HIBCH: variants seen among roughly 807,000 people sequenced by gnomAD.
HIBCH encodes 3-hydroxyisobutyryl-CoA hydrolase, mitochondrial.
A neutral mutation model predicts 58.2 loss-of-function variants in HIBCH; 50 were observed. That is an observed-to-expected ratio of 0.86 (90% CI 0.68 to 1.09). The LOEUF (loss-of-function observed/expected upper bound fraction) is 1.09. HIBCH is among the 50% of genes least tolerant of loss of function. The pLI is 0.00. For synonymous variants in HIBCH, 151 were observed against 146.9 expected (o/e 1.03, Z -0.20); for missense variants, 450 against 449.7 (o/e 1.00, Z -0.01).
In HIBCH at chr2:190,216,405, A is replaced by G. The variant is rs573612534; in HGVS notation, c.892-3330T>C. ...AAGGTTTTGTTGTTGTTTTACTGAG[A>G]GGCTGTAAGTCCACCACGGGCAGCT... On this transcript the variant is annotated intron_variant, in intron 11 of 13. Coordinates refer to ENST00000359678, the MANE Select transcript of HIBCH (RefSeq NM_014362.4). This position sits in a 1 kb window ranked among gnomAD's most constrained non-coding sequence, Gnocchi z 4.2. Among the ~76,000 whole-genome samples the G allele has an allele frequency of 6.6e-6, 1 of 152,312 alleles. No homozygotes were observed. The highest frequency in any genetic ancestry group is 2.1e-4 in the South Asian group (1 of 4,826).
At chr2:190,228,588 A>C (rs112668927) in intron 11 of HIBCH, among the ~76,000 whole-genome samples, 204 of 152,282 alleles carry the variant, frequency 1.3e-3, no homozygotes, top group Admixed American at 2.2e-3. Flanking sequence ...CTGTTCTAGA[A>C]AATTTGATAA....
chr2:190,256,855 T>A (rs116305095), intron 7 of HIBCH, among the ~76,000 whole-genome samples: 1,761 of 151,992 alleles, frequency 0.012, 20 homozygotes, highest in Middle Eastern at 0.031. Context: ...CTGGATGAGA[T>A]TAAGGGCAGA....
At chr2:190,257,627 C>T (rs1340811806) in intron 7 of HIBCH, among the ~76,000 whole-genome samples, 1 of 152,132 alleles carries the variant, frequency 6.6e-6, no homozygotes, top group Admixed American at 6.5e-5. Context: ...TTTTGTGTTG[C>T]TATGACAGAA....
rs1690610836 is a variant in HIBCH at position 190,215,634 on chromosome 2, T to C, written c.892-2559A>G. Reference sequence around the variant, plus strand: ...GTTAATGGATGGAATGAAAAACCAATTAAGGAATTACTAAGGGAAGCTCAG... The same window carrying C: ...GTTAATGGATGGAATGAAAAACCAACTAAGGAATTACTAAGGGAAGCTCAG... On this transcript the variant is annotated intron_variant, in intron 11 of 13. Transcript: ENST00000359678. The surrounding 1 kb of genome is among the most constrained non-coding windows in gnomAD (Gnocchi z 4.4). The C allele has an allele frequency of 6.6e-6, 1 of 151,974 alleles. No individual in the cohort carries two copies. The highest frequency in any genetic ancestry group is 6.6e-5 in the Admixed American group (1 of 15,264). 9.4% of individuals were successfully genotyped at this position (151,974 alleles called of 1,614,324 possible). A position where few individuals can be genotyped will look rare whatever the true frequency, so the allele number is the denominator to read the frequency against.
Position 190,206,316 on chromosome 2 carries a change from A to C in HIBCH, c.1046-1084T>G, listed in dbSNP as rs1690389366. ...CTGATGTTCTGATCCCTACTATTTG[A>C]AAGTTTTATATTCCGTGGACAGTGT... On this transcript the variant is annotated intron_variant, in intron 13 of 13. Transcript: ENST00000359678. This position sits in a 1 kb window ranked among gnomAD's most constrained non-coding sequence, Gnocchi z 5.1. Among the ~76,000 whole-genome samples, 1 of 152,136 alleles carries C rather than the reference A, an allele frequency of 6.6e-6. No homozygotes were observed. The highest frequency in any genetic ancestry group is 2.4e-5 in the African/African-American group (1 of 41,430).
chr2:190,232,313 A>G (rs1025993647), intron 11 of HIBCH, among the ~76,000 whole-genome samples: 11 of 152,240 alleles, frequency 7.2e-5, no homozygotes, highest in African/African-American at 2.7e-4. Context: ...GGATAAATCC[A>G]ATGAAATATA....
intron 5 of HIBCH, among the ~76,000 whole-genome samples, chr2:190,288,750 A>C: frequency 6.6e-6 from 1 of 152,208 alleles, no homozygotes; most frequent in East Asian, 1.9e-4. Context: ...CTTAAAAAGC[A>C]GCGGCCTCTA....
intron 6 of HIBCH, among the ~76,000 whole-genome samples, chr2:190,278,856 C>A (rs1687629594): frequency 6.6e-6 from 1 of 151,510 alleles, no homozygotes. Context: ...CCAAATAATT[C>A]TAAAGTGCCA....
intron 6 of HIBCH, among the ~76,000 whole-genome samples, chr2:190,263,724 G>C (rs1687156528): frequency 6.6e-6 from 1 of 152,098 alleles, no homozygotes; most frequent in African/African-American, 2.4e-5. Flanking sequence ...TCCTCTCTCT[G>C]TCTTCATCTC....
intron 11 of HIBCH, among the ~76,000 whole-genome samples, chr2:190,235,002 C>T (rs1015369558): frequency 1.3e-5 from 2 of 152,294 alleles, no homozygotes; most frequent in Admixed American, 1.3e-4. Context: ...GAGACCTTCA[C>T]TACAACTGTT....
intron 7 of HIBCH, among the ~76,000 whole-genome samples, chr2:190,257,284 G>C (rs1686952975): frequency 6.6e-6 from 1 of 152,138 alleles, no homozygotes; most frequent in Non-Finnish European, 1.5e-5. Flanking sequence ...TTAAATTACT[G>C]AAATTAAAAA....
At chr2:190,241,797 C>T (rs1026786085) in intron 11 of HIBCH, among the ~76,000 whole-genome samples, 8 of 152,178 alleles carry the variant, frequency 5.3e-5, no homozygotes, top group Non-Finnish European at 1.0e-4. Flanking sequence ...GGCCCCCACT[C>T]TCTTCTGGAT....
chr2:190,307,265 C>T (rs988584025), intron 2 of HIBCH, among the ~76,000 whole-genome samples: 7 of 152,142 alleles, frequency 4.6e-5, no homozygotes, highest in African/African-American at 1.4e-4. Context: ...ACTATACCCT[C>T]AATACTGAAT....
chr2:190,243,287 C>T lies in HIBCH; in HGVS notation c.891+1600G>A, dbSNP rs1686505758. On this transcript the variant is annotated intron_variant, in intron 11 of 13. Transcript: ENST00000359678. This position sits in a 1 kb window ranked among gnomAD's most constrained non-coding sequence, Gnocchi z 4.1. ...TTCTCCCATGCTGGATGCTTCCTGC[C>T]CTTGAACATCAGACCCCAAGTTCTT... 6.6e-6 allele frequency among the ~76,000 whole-genome samples: 1 copy of T among 152,138 alleles called. No homozygotes were observed. The highest frequency in any genetic ancestry group is 2.1e-4 in the South Asian group (1 of 4,818).
intron 1 of HIBCH, among the ~76,000 whole-genome samples, chr2:190,311,350 T>C (rs1018979958): frequency 1.3e-5 from 2 of 152,210 alleles, no homozygotes; most frequent in Non-Finnish European, 2.9e-5. Flanking sequence ...TATGATACTG[T>C]AATGGTTGAT....
chr2:190,219,264 C>T (rs1404786023), intron 11 of HIBCH, among the ~76,000 whole-genome samples: 1 of 151,934 alleles, frequency 6.6e-6, no homozygotes, highest in African/African-American at 2.4e-5. Context: ...AAAATAAATG[C>T]AGAAATGGAA....
intron 7 of HIBCH, 138 bp downstream of exon 7, chr2:190,261,014 CTATT>C (rs1179641472): frequency 4.5e-6 from 3 of 666,654 alleles, no homozygotes; most frequent in African/African-American, 1.8e-5. Flanking sequence ...AAGTATCTTC[CTATT>C]TAATTTCTTT....
chr2:190,273,697 GT>G (rs755819810), intron 6 of HIBCH, among the ~76,000 whole-genome samples: 2 of 93,782 alleles, frequency 2.1e-5, no homozygotes, highest in Admixed American at 1.3e-4. Flanking sequence ...ATATCTTCCA[GT>G]TTTTTTAAAA....
intron 8 of HIBCH, chr2:190,251,446 ATACAT>A: frequency 2.6e-6 from 1 of 377,986 alleles, no homozygotes; most frequent in Non-Finnish European, 5.5e-6. Context: ...GTGAAGCAAA[ATACAT>A]CCTAAGTCTC....
Sources: allele counts gnomAD v4.1 joint callset (sites outside exome capture counted in the v4.1 genomes callset), GRCh38; gene constraint gnomAD v4.1.1; non-coding constraint Gnocchi (gnomAD v3.1); transcripts MANE v1.5; gene names NCBI Gene and HGNC (gene_info 2026-07-23, HGNC 2026-07-21).